HYAL4: variants seen among roughly 807,000 people sequenced by gnomAD.
The protein encoded by HYAL4 is hyaluronidase-4.
A neutral mutation model predicts 35.2 loss-of-function variants in HYAL4; 37 were observed. The observed-to-expected ratio is 1.05, with a 90% CI of 0.81 to 1.38. HYAL4 has a LOEUF of 1.38. Among genes scored for constraint, HYAL4 ranks in the 40% most tolerant of loss-of-function variants. HYAL4 has a pLI of 0.00. For missense variants in HYAL4, 572 were observed against 572.4 expected, an observed-to-expected ratio of 1.00 and a Z score of 0.01; for synonymous variants, 198 against 203.2, an observed-to-expected ratio of 0.97 and a Z score of 0.22.
chr7:123,791,899 A>G, the HYAL4 span, among the ~76,000 whole-genome samples: 1 of 152,204 alleles, frequency 6.6e-6, no homozygotes, highest in Non-Finnish European at 1.5e-5. Flanking sequence ...TAACCTCCAG[A>G]ATGCCAAGTC....
At chr7:123,844,535 C>T (rs193071340), upstream of HYAL4, among the ~76,000 whole-genome samples, 21 of 152,264 alleles carry the variant, frequency 1.4e-4, no homozygotes, top group Admixed American at 2.6e-4. Flanking sequence ...AGCTCAAACG[C>T]GGTGCTGGGA....
Position 123,868,285 on chromosome 7 carries a change from A to G in HYAL4, c.12A>G (p.Leu4=). Residue 4 remains leucine (L), a synonymous_variant, in exon 3 of 5, where the codon TTA becomes TTG. Coordinates refer to ENST00000223026, the MANE Select transcript of HYAL4 (RefSeq NM_012269.3). MKV[L]SEGQLKLCVV... ...ATTTTTATCTTACCATGAAAGTATT[A>G]TCTGAAGGACAGTTAAAGCTTTGTG... is the stretch of plus-strand genomic sequence containing the variant. 1 of 1,543,294 alleles carries G rather than the reference A, an allele frequency of 6.5e-7. No individual in the cohort carries two copies. The highest frequency in any genetic ancestry group is 8.7e-7 in the Non-Finnish European group (1 of 1,150,496).
At chr7:123,854,098 C>T (rs1806375281) in intron 2 of HYAL4, among the ~76,000 whole-genome samples, 3 of 151,962 alleles carry the variant, frequency 2.0e-5, no homozygotes, top group Non-Finnish European at 4.4e-5. Context: ...TTTATTGTGT[C>T]TATTTGATTC....
At chr7:123,847,651 G>C (rs1034606621) in intron 1 of HYAL4, among the ~76,000 whole-genome samples, 17 of 152,050 alleles carry the variant, frequency 1.1e-4, no homozygotes, top group Non-Finnish European at 1.9e-4. Context: ...GGTGGCATAC[G>C]CCTGTAGTCC....
At chr7:123,835,720 C>T (rs191803410) in intron 1 of HYAL4, among the ~76,000 whole-genome samples, 49 of 152,104 alleles carry the variant, frequency 3.2e-4, no homozygotes, top group African/African-American at 9.9e-4. Flanking sequence ...TTTAGGGCTA[C>T]GAACTTTCCT....
the HYAL4 span, among the ~76,000 whole-genome samples, chr7:123,805,301 C>A: frequency 3.9e-5 from 6 of 152,084 alleles, no homozygotes; most frequent in Admixed American, 3.9e-4. Context: ...TTTGTAGATT[C>A]TTTTGAATAT....
At chr7:123,844,012 T>C (rs1200679534), upstream of HYAL4, among the ~76,000 whole-genome samples, 1 of 152,076 alleles carries the variant, frequency 6.6e-6, no homozygotes, top group Non-Finnish European at 1.5e-5. Flanking sequence ...CTCATCAAAG[T>C]TATTCTCCAT....
At chr7:123,796,259 T>C in the HYAL4 span, among the ~76,000 whole-genome samples, 1 of 152,284 alleles carries the variant, frequency 6.6e-6, no homozygotes, top group South Asian at 2.1e-4. Context: ...GGAAGAGTCA[T>C]CCAGACCTGG....
chr7:123,873,398 C>A, intron 3 of HYAL4, among the ~76,000 whole-genome samples: 1 of 36,676 alleles, frequency 2.7e-5, no homozygotes, highest in African/African-American at 1.6e-4. Flanking sequence ...AAGACAATTG[C>A]CCAGAAAAAA....
the HYAL4 span, among the ~76,000 whole-genome samples, chr7:123,786,358 A>G: frequency 2.0e-5 from 3 of 152,168 alleles, no homozygotes; most frequent in Admixed American, 6.5e-5. Context: ...ATTTTTCTAC[A>G]TATTTCCACC....
intron 1 of HYAL4, among the ~76,000 whole-genome samples, chr7:123,847,649 A>G (rs979922814): frequency 3.9e-5 from 6 of 152,104 alleles, no homozygotes; most frequent in Non-Finnish European, 8.8e-5. Context: ...ATGGTGGCAT[A>G]CGCCTGTAGT....
At chr7:123,845,759 G>A (rs1806161189) in intron 1 of HYAL4, 74 bp downstream of exon 1, 1 of 152,130 alleles carries the variant, frequency 6.6e-6, no homozygotes, top group African/African-American at 2.4e-5. Flanking sequence ...TGTTTTTCTG[G>A]TTCCTTCTCA....
Position 123,868,225 on chromosome 7 carries a change from C to A in HYAL4, c.-49C>A. ...CAGAAAATTAAATCTCTCCACAGGT[C>A]TTCTAGAGTGCACTAAAGCAGAAGA... is the stretch of plus-strand genomic sequence containing the variant. On this transcript the variant is annotated splice_region_variant and 5_prime_UTR_variant, in exon 3 of 5. Transcript: ENST00000223026. 1 of 1,032,288 alleles carries A rather than the reference C, an allele frequency of 9.7e-7. No homozygotes were observed. Among genetic ancestry groups the A allele is most frequent in the African/African-American group, 1.6e-5 (1 of 62,464 alleles). 63.9% of individuals were successfully genotyped at this position (1,032,288 alleles called of 1,614,324 possible). A position where few individuals can be genotyped will look rare whatever the true frequency, so the allele number is the denominator to read the frequency against.
upstream of HYAL4, chr7:123,844,289 A>C (rs552584448): frequency 6.6e-6 from 1 of 152,410 alleles, no homozygotes; most frequent in Non-Finnish European, 1.5e-5. Context: ...CTGGAGGTCC[A>C]TTCCAGACCT....
At chr7:123,831,969 A>G (rs1307356812) in intron 1 of HYAL4, among the ~76,000 whole-genome samples, 2 of 151,742 alleles carry the variant, frequency 1.3e-5, no homozygotes, top group Non-Finnish European at 2.9e-5. Flanking sequence ...TTTCCCTTCC[A>G]TGCCCACTGG....
At chr7:123,856,758 A>G (rs1806446402) in intron 2 of HYAL4, among the ~76,000 whole-genome samples, 1 of 152,162 alleles carries the variant, frequency 6.6e-6, no homozygotes, top group South Asian at 2.1e-4. Flanking sequence ...AGGCAGGAAC[A>G]TTTAAGTCTG....
the HYAL4 span, among the ~76,000 whole-genome samples, chr7:123,816,835 A>G: frequency 1.3e-5 from 2 of 152,186 alleles, no homozygotes; most frequent in South Asian, 2.1e-4. Flanking sequence ...TCTAAGTAAC[A>G]TAACTTTCCA....
intron 2 of HYAL4, among the ~76,000 whole-genome samples, chr7:123,851,719 A>G (rs1806309395): frequency 6.6e-6 from 1 of 152,104 alleles, no homozygotes; most frequent in South Asian, 2.1e-4. Context: ...ATGTGTCTTT[A>G]TAGTAGAATG....
intron 2 of HYAL4, among the ~76,000 whole-genome samples, chr7:123,857,042 G>A (rs1461647299): frequency 1.3e-5 from 2 of 152,108 alleles, no homozygotes; most frequent in East Asian, 3.9e-4. Flanking sequence ...CCCTCACCAA[G>A]CTCGAGCATC....
Sources: allele counts gnomAD v4.1 joint callset (sites outside exome capture counted in the v4.1 genomes callset), GRCh38; gene constraint gnomAD v4.1.1; transcripts MANE v1.5; gene names NCBI Gene and HGNC (gene_info 2026-07-23, HGNC 2026-07-21).